ZNF599: variants seen among roughly 807,000 people sequenced by gnomAD.
ZNF599 encodes the protein zinc finger protein 599.
ZNF599 carries 10 observed loss-of-function variants against 11.7 expected under a neutral mutation model. That is an observed-to-expected ratio of 0.86 (90% CI 0.53 to 1.45). The LOEUF is 1.45. ZNF599 is among the 40% of genes most tolerant of loss of function. The pLI, the probability that ZNF599 is intolerant of heterozygous loss-of-function variation, is 0.00. For synonymous variants in ZNF599, 232 were observed against 253.2 expected, an observed-to-expected ratio of 0.92 and a Z score of 0.79; for missense variants, 688 against 713.6, an observed-to-expected ratio of 0.96 and a Z score of 0.41.
the ZNF599 span, among the ~76,000 whole-genome samples, chr19:34,784,473 T>C: frequency 6.6e-6 from 1 of 152,208 alleles, no homozygotes; most frequent in Non-Finnish European, 1.5e-5. Context: ...CAAAATACCT[T>C]TGATGGCTCC....
chr19:34,765,883 C>T (rs2069138986), intron 3 of ZNF599, among the ~76,000 whole-genome samples: 1 of 151,978 alleles, frequency 6.6e-6, no homozygotes. Flanking sequence ...GATCACTTGG[C>T]CTAGAGTACT....
the ZNF599 span, among the ~76,000 whole-genome samples, chr19:34,780,669 G>A: frequency 7.6e-6 from 1 of 132,016 alleles, no homozygotes; most frequent in Non-Finnish European, 1.6e-5. Context: ...GGGAGGGAAG[G>A]AAGGAAGGGG....
intron 2 of ZNF599, among the ~76,000 whole-genome samples, chr19:34,768,600 C>T (rs1294731032): frequency 1.3e-5 from 2 of 152,186 alleles, no homozygotes; most frequent in African/African-American, 4.8e-5. Context: ...GCTATGTTTC[C>T]AGCTCTATTC....
In ZNF599 at chr19:34,772,904, C is replaced by A; in HGVS notation, c.-63G>T. The A allele has an allele frequency of 1.4e-6, 2 of 1,399,412 alleles. No homozygotes were observed. Among genetic ancestry groups the A allele is most frequent in the South Asian group, 1.5e-5 (1 of 64,914 alleles). 86.7% of individuals were successfully genotyped at this position (1,399,412 alleles called of 1,614,324 possible). On this transcript the variant is annotated 5_prime_UTR_variant, in exon 1 of 4. Coordinates refer to ENST00000329285, the MANE Select transcript of ZNF599 (RefSeq NM_001007248.3). ...AGGAAGCCGGTCCTGCGGGCTCGGC[C>A]GACCCCGGGCTCCGGCTCTGGGCTG...
upstream of ZNF599, among the ~76,000 whole-genome samples, chr19:34,777,680 G>A (rs1230492055): frequency 6.8e-6 from 1 of 148,120 alleles, no homozygotes; most frequent in African/African-American, 2.5e-5. Flanking sequence ...CAACAATATG[G>A]ATGAACCCAG....
upstream of ZNF599, among the ~76,000 whole-genome samples, chr19:34,773,724 G>C (rs2069201802): frequency 6.6e-6 from 1 of 152,084 alleles, no homozygotes. Context: ...CCAGCCCTCT[G>C]CTTAACTTGT....
chr19:34,765,682 A>G (rs2069137902), intron 3 of ZNF599: 2 of 703,012 alleles, frequency 2.8e-6, no homozygotes, highest in Non-Finnish European at 5.2e-6. Flanking sequence ...GTAAGTGTCA[A>G]AAAGCAAGAA....
the ZNF599 span, among the ~76,000 whole-genome samples, chr19:34,800,676 A>G: frequency 1.4e-5 from 2 of 143,952 alleles, no homozygotes; most frequent in African/African-American, 2.6e-5. Flanking sequence ...GCTCACTGCA[A>G]CCTCTGCCCC....
In ZNF599 at chr19:34,772,419, A is replaced by G. The variant is rs905886215; in HGVS notation, c.18+405T>C. The G allele has an allele frequency of 1.5e-5, 15 of 1,027,922 alleles. No homozygotes were observed. The Admixed American group carries it at 3.4e-4, about 23-fold the overall frequency. 63.7% of individuals were successfully genotyped at this position (1,027,922 alleles called of 1,614,324 possible). The stretch of plus-strand genomic sequence containing the variant: ...TGGAATGATCCCCTAAAACAACAGC[A>G]GGACCTAGAGAGTCCTTCTTCAAAG... On this transcript the variant is annotated intron_variant, in intron 1 of 3. Coordinates refer to ENST00000329285, the MANE Select transcript of ZNF599 (RefSeq NM_001007248.3).
In ZNF599 at chr19:34,758,925, C is replaced by G; in HGVS notation, c.*109G>C. Reference sequence around the variant, plus strand: ...TATAAATTATCAGATACTAAGACATCTCTCTGGCCAAAATATTTCCCTCAA... The same window carrying G: ...TATAAATTATCAGATACTAAGACATGTCTCTGGCCAAAATATTTCCCTCAA... On this transcript the variant is annotated 3_prime_UTR_variant, in exon 4 of 4. Coordinates refer to ENST00000329285, the MANE Select transcript of ZNF599 (RefSeq NM_001007248.3). The G allele has an allele frequency of 8.4e-7, 1 of 1,190,784 alleles. No homozygotes were observed. Among genetic ancestry groups the G allele is most frequent in the Non-Finnish European group, 1.2e-6 (1 of 845,354 alleles). 73.8% of individuals were successfully genotyped at this position (1,190,784 alleles called of 1,614,324 possible).
the ZNF599 span, among the ~76,000 whole-genome samples, chr19:34,795,403 T>C: frequency 6.6e-6 from 1 of 152,134 alleles, no homozygotes; most frequent in African/African-American, 2.4e-5. Context: ...GCCTTCCAAG[T>C]AGCTGGGACC....
At position 34,759,283 on chromosome 19, in the gene ZNF599, G is replaced by C. The variant is rs2069091865; in HGVS notation, c.1518C>G (p.Pro506=). ...RHMRIHTGEK[P]YVCRECGKAF... ...CCTTTCCACATTCTCTACAAACATA[G>C]GGCTTCTCTCCAGTGTGAATCCTCA... Residue 506 remains proline, a synonymous_variant, in exon 4 of 4, where the codon CCC becomes CCG. Coordinates refer to ENST00000329285, the MANE Select transcript of ZNF599 (RefSeq NM_001007248.3). 3 of 1,614,156 alleles carry C rather than the reference G, an allele frequency of 1.9e-6. No individual in the cohort carries two copies. Among genetic ancestry groups the C allele is most frequent in the African/African-American group, 1.3e-5 (1 of 75,046 alleles).
At position 34,760,287 on chromosome 19, in the gene ZNF599, C is replaced by G. The variant is rs2069103935; in HGVS notation, c.514G>C (p.Val172Leu). ...SLGLRVLQERVTPQDALHECD... is the reference protein window; with the variant it reads ...SLGLRVLQERLTPQDALHECD... ...TCATGGAGAGCATCTTGTGGAGTGA[C>G]TCGTTCCTGTAAAACCCTTAAGCCC... The change falls in exon 4 of 4, where the codon GTC becomes CTC. Residue 172 changes from valine (V) to leucine (L), a missense_variant. By Grantham distance (32) the Val-to-Leu change is conservative. Coordinates refer to ENST00000329285, the MANE Select transcript of ZNF599 (RefSeq NM_001007248.3). 1.9e-6 allele frequency: 3 copies of G among 1,614,172 alleles called. No individual in the cohort carries two copies. The South Asian group carries it at 3.3e-5, about 18-fold the overall frequency.
chr19:34,782,014 C>T, the ZNF599 span, among the ~76,000 whole-genome samples: 851 of 152,266 alleles, frequency 5.6e-3, 7 homozygotes, highest in African/African-American at 0.02. Flanking sequence ...TGGCCATTAG[C>T]TTTGGAACCC....
the ZNF599 span, among the ~76,000 whole-genome samples, chr19:34,804,334 C>T: frequency 1.5e-3 from 224 of 152,336 alleles, 1 homozygote; most frequent in Non-Finnish European, 2.9e-3. Context: ...CCCTGGCCTC[C>T]TGCCAGACCC....
chr19:34,772,126 G>T (rs1248990518), intron 1 of ZNF599, among the ~76,000 whole-genome samples: 1 of 152,220 alleles, frequency 6.6e-6, no homozygotes. Flanking sequence ...CACACTCCAA[G>T]AGACATACAT....
chr19:34,793,586 T>C, the ZNF599 span, among the ~76,000 whole-genome samples: 26 of 152,364 alleles, frequency 1.7e-4, no homozygotes, highest in South Asian at 4.1e-4. Flanking sequence ...CTGTAAGTTC[T>C]GGTAAGCTTA....
At chr19:34,795,188 G>A in the ZNF599 span, among the ~76,000 whole-genome samples, 1 of 152,190 alleles carries the variant, frequency 6.6e-6, no homozygotes, top group Non-Finnish European at 1.5e-5. Context: ...AAACCATGTC[G>A]TACTTGGTAG....
In ZNF599 at chr19:34,759,035, T is replaced by C; in HGVS notation, c.1766A>G (p.Ter589=). The part of the protein sequence containing the change: ...THHRKIHTRV[*] Reference sequence around the variant, plus strand: ...TTGTAATAGGCCTTCCTGTATCTTTTAAACTCTGGTATGAATCTTTCGATG... The same window carrying C: ...TTGTAATAGGCCTTCCTGTATCTTTCAAACTCTGGTATGAATCTTTCGATG... Residue 589 remains the stop codon, a stop_retained_variant, in exon 4 of 4, where the codon TAA becomes TGA. Coordinates refer to ENST00000329285, the MANE Select transcript of ZNF599 (RefSeq NM_001007248.3). 6.2e-7 allele frequency: 1 copy of C among 1,604,404 alleles called. No individual in the cohort carries two copies. Among genetic ancestry groups the C allele is most frequent in the Non-Finnish European group, 8.5e-7 (1 of 1,173,936 alleles).
Sources: gnomAD v4.1 joint callset for allele counts (sites outside exome capture counted in the v4.1 genomes callset) on GRCh38, gnomAD v4.1.1 for gene constraint, MANE v1.5 for transcripts, NCBI Gene and HGNC (gene_info 2026-07-23, HGNC 2026-07-21) for gene names.